The following LARP1 variants were observed in gnomAD, a reference collection of about 807,000 sequenced individuals.
LARP1 encodes the protein la-related protein 1.
LARP1 carries 36 observed loss-of-function variants against 122.7 expected under a neutral mutation model. That is an observed-to-expected ratio of 0.29 (90% CI 0.22 to 0.39). LARP1 has a LOEUF of 0.39. Among genes scored for constraint, LARP1 ranks in the 10% least tolerant of loss-of-function variants. LARP1 has a pLI of 1.00. For missense variants in LARP1, 1,040 were observed against 1,403.6 expected (o/e 0.74, Z 4.14); for synonymous variants, 539 against 528.7 (o/e 1.02, Z -0.27).
At chr5:154,697,848 G>A (rs947478361) in intron 1 of LARP1, among the ~76,000 whole-genome samples, 1 of 152,102 alleles carries the variant, frequency 6.6e-6, no homozygotes, top group Non-Finnish European at 1.5e-5. Flanking sequence ...TTTTAAAACA[G>A]AGTCTCTCAC....
intron 1 of LARP1, among the ~76,000 whole-genome samples, chr5:154,757,579 C>T (rs1417284291): frequency 6.6e-6 from 1 of 152,050 alleles, no homozygotes; most frequent in Non-Finnish European, 1.5e-5. Context: ...CTGGTTGAGG[C>T]TAACTGGTTT....
upstream of LARP1, among the ~76,000 whole-genome samples, chr5:154,752,266 G>C (rs907439123): frequency 4.6e-5 from 7 of 151,808 alleles, no homozygotes; most frequent in Non-Finnish European, 1.0e-4. Flanking sequence ...TTTTTGAGAT[G>C]GAGTTTTGCT....
At chr5:154,807,741 CAG>C (rs1328453565) in intron 15 of LARP1, among the ~76,000 whole-genome samples, 10 of 152,190 alleles carry the variant, frequency 6.6e-5, no homozygotes, top group South Asian at 4.2e-4. Context: ...TCTGTAGAGA[CAG>C]GGGTCTCACT....
In LARP1 at chr5:154,803,595, C is replaced by A. The variant is rs146454468; in HGVS notation, c.2289C>A (p.Ile763=). ...KLFGAPEPST[I]ARSLPTTVPE... ...TTGGTGCTCCTGAGCCCTCCACCAT[C>A]GCCCGCTCTCTACCAACCACTGTCC... Residue 763 remains isoleucine, a synonymous_variant, in exon 13 of 19, where the codon ATC becomes ATA. Transcript: ENST00000518297. The surrounding 1 kb of genome is among the most constrained non-coding windows in gnomAD (Gnocchi z 4.4). The A allele has an allele frequency of 6.2e-7, 1 of 1,614,174 alleles. No individual in the cohort carries two copies. Among genetic ancestry groups the A allele is most frequent in the South Asian group, 1.1e-5 (1 of 91,080 alleles).
At chr5:154,810,744 C>T (rs1280435875) in intron 16 of LARP1, among the ~76,000 whole-genome samples, 2 of 152,128 alleles carry the variant, frequency 1.3e-5, no homozygotes, top group Non-Finnish European at 1.5e-5. Context: ...GCCTTGGCCT[C>T]CCAAAGTGCT....
intron 1 of LARP1, among the ~76,000 whole-genome samples, chr5:154,747,307 A>ACCC (rs1561561442): frequency 6.8e-6 from 1 of 146,592 alleles, no homozygotes; most frequent in African/African-American, 2.5e-5. Flanking sequence ...CTCTGTCCCA[A>ACCC]AAAAAAAAAA....
intron 7 of LARP1, 39 bp from the exon 8 acceptor site, chr5:154,795,136 C>G: frequency 6.2e-7 from 1 of 1,604,598 alleles, no homozygotes; most frequent in South Asian, 1.1e-5. Context: ...AACTGATGCA[C>G]CAATCCCTCG....
intron 1 of LARP1, among the ~76,000 whole-genome samples, chr5:154,768,015 G>A (rs923895111): frequency 2.6e-5 from 4 of 152,282 alleles, no homozygotes; most frequent in Admixed American, 2.6e-4. Flanking sequence ...AAAGCTTGGG[G>A]GTGCGGTGGG....
At chr5:154,717,638 T>A (rs1755591225) in intron 1 of LARP1, among the ~76,000 whole-genome samples, 1 of 152,156 alleles carries the variant, frequency 6.6e-6, no homozygotes, top group African/African-American at 2.4e-5. Flanking sequence ...CACAGGACAT[T>A]TAGGGACAGG....
At chr5:154,784,539 A>G (rs756683614) in intron 1 of LARP1, among the ~76,000 whole-genome samples, 2 of 152,188 alleles carry the variant, frequency 1.3e-5, no homozygotes, top group Non-Finnish European at 2.9e-5. Context: ...CCAAATAAGC[A>G]TTTGGTCTTC....
At chr5:154,728,757 G>A (rs899537277) in intron 1 of LARP1, among the ~76,000 whole-genome samples, 5 of 152,192 alleles carry the variant, frequency 3.3e-5, no homozygotes, top group Non-Finnish European at 5.9e-5. Context: ...AAGACTATAG[G>A]AATAGCAGAT....
At chr5:154,772,608 C>G (rs1755530857) in intron 1 of LARP1, among the ~76,000 whole-genome samples, 1 of 152,136 alleles carries the variant, frequency 6.6e-6, no homozygotes, top group Non-Finnish European at 1.5e-5. Flanking sequence ...AAGAGATTAA[C>G]AACAACAAAA....
At position 154,805,986 on chromosome 5, in the gene LARP1, C is replaced by G; in HGVS notation, c.2652C>G (p.Gly884=). ...CCCATGAACTGCTCAAGGAAAATGG[C>G]TTCACACAACACGTCTACCATAAGT... ...HPSHELLKEN[G]FTQHVYHKYR... is the part of the protein sequence containing the mutation. The change falls in exon 15 of 19, where the codon GGC becomes GGG. Residue 884 remains glycine (G), a synonymous_variant. Transcript: ENST00000518297. The G allele has an allele frequency of 6.2e-7, 1 of 1,614,184 alleles. No individual in the cohort carries two copies. Among genetic ancestry groups the G allele is most frequent in the Non-Finnish European group, 8.5e-7 (1 of 1,180,032 alleles).
At chr5:154,712,842 G>A, upstream of LARP1, 1 of 1,269,584 alleles carries the variant, frequency 7.9e-7, no homozygotes. Context: ...AGAGCTCCCG[G>A]GCCAGAGCCA....
At chr5:154,742,371 G>C (rs1241311348) in intron 1 of LARP1, among the ~76,000 whole-genome samples, 1 of 152,190 alleles carries the variant, frequency 6.6e-6, no homozygotes, top group Non-Finnish European at 1.5e-5. Flanking sequence ...AGACCAGCCT[G>C]GCCAACATGG....
intron 1 of LARP1, among the ~76,000 whole-genome samples, chr5:154,782,707 T>C (rs1415818967): frequency 1.3e-5 from 2 of 152,146 alleles, no homozygotes; most frequent in Non-Finnish European, 2.9e-5. Context: ...TGCCCACTCC[T>C]CTCCCTAAGA....
At chr5:154,693,346 A>G (rs562488211) in intron 1 of LARP1, among the ~76,000 whole-genome samples, 22 of 152,218 alleles carry the variant, frequency 1.4e-4, no homozygotes, top group East Asian at 3.9e-4. Context: ...CATGTTGCCC[A>G]GGCTCACAAG....
intron 8 of LARP1, among the ~76,000 whole-genome samples, chr5:154,797,469 G>A (rs981572897): frequency 7.2e-5 from 11 of 151,930 alleles, no homozygotes; most frequent in Middle Eastern, 3.4e-3. Flanking sequence ...CTGACCTCAG[G>A]TGATCCACCC....
intron 1 of LARP1, among the ~76,000 whole-genome samples, chr5:154,707,792 G>A (rs1265623229): frequency 6.6e-6 from 1 of 152,174 alleles, no homozygotes; most frequent in Admixed American, 6.5e-5. Flanking sequence ...GGTTGCTTAT[G>A]TCCAGTCTAC....
Sources: allele counts gnomAD v4.1 joint callset (sites outside exome capture counted in the v4.1 genomes callset), GRCh38; gene constraint gnomAD v4.1.1; non-coding constraint Gnocchi (gnomAD v3.1); transcripts MANE v1.5; gene names NCBI Gene and HGNC (gene_info 2026-07-23, HGNC 2026-07-21).